The following PRMT7 variants were observed in gnomAD, a reference collection of about 807,000 sequenced individuals.
PRMT7 encodes protein arginine methyltransferase 7, also known as protein arginine N-methyltransferase 7.
In PRMT7, 75 loss-of-function variants were observed where a neutral mutation model predicts 85.4. The observed-to-expected ratio is 0.88, with a 90% CI of 0.73 to 1.06. The LOEUF (loss-of-function observed/expected upper bound fraction) is 1.06, where lower values mean the gene tolerates loss of function less well. Ranked by LOEUF, PRMT7 falls within the 50% of genes least tolerant of loss-of-function variation. The pLI, the probability that PRMT7 is intolerant of heterozygous loss-of-function variation, is 0.00. For missense variants in PRMT7, 868 were observed against 915.2 expected (o/e 0.95, Z 0.67); for synonymous variants, 397 against 359.5 (o/e 1.10, Z -1.18).
At chr16:68,323,059 T>C (rs1334196773) in intron 4 of PRMT7, among the ~76,000 whole-genome samples, 2 of 151,850 alleles carry the variant, frequency 1.3e-5, no homozygotes, top group African/African-American at 4.8e-5. Context: ...TAAAAACACA[T>C]AACATAAACG....
At chr16:68,327,705 T>A (rs2083290091) in intron 5 of PRMT7, among the ~76,000 whole-genome samples, 1 of 152,078 alleles carries the variant, frequency 6.6e-6, no homozygotes, top group Admixed American at 6.5e-5. Context: ...CCCAGCACTT[T>A]GGGTGGCTGA....
At chr16:68,325,518 G>A (rs1037581607) in intron 5 of PRMT7, among the ~76,000 whole-genome samples, 1 of 149,256 alleles carries the variant, frequency 6.7e-6, no homozygotes, top group African/African-American at 2.5e-5. Flanking sequence ...ACAAAGGCTG[G>A]GCACAGTGTC....
At chr16:68,356,150 A>G (rs1333869879) in intron 17 of PRMT7, among the ~76,000 whole-genome samples, 1 of 152,192 alleles carries the variant, frequency 6.6e-6, no homozygotes, top group African/African-American at 2.4e-5. Context: ...GCTCAGGAAG[A>G]TGGGAGCTTA....
intron 11 of PRMT7, among the ~76,000 whole-genome samples, chr16:68,346,912 C>T (rs1302215327): frequency 2.0e-5 from 3 of 152,234 alleles, no homozygotes; most frequent in Admixed American, 6.5e-5. Flanking sequence ...TGTGCTCTAA[C>T]CAGACAGGGA....
At chr16:68,356,587 G>A (rs1001042346) in intron 17 of PRMT7, 114 bp from the exon 18 acceptor site, 2 of 753,242 alleles carry the variant, frequency 2.7e-6, no homozygotes, top group Non-Finnish European at 4.5e-6. Flanking sequence ...ACTCCCGGCA[G>A]GGCAGGAAGG....
Position 68,353,593 on chromosome 16 carries a change from A to T in PRMT7, c.1650+27A>T, listed in dbSNP as rs1868159. The T allele has an allele frequency of 2.4e-5, 37 of 1,532,642 alleles. No individual in the cohort carries two copies. The Admixed American group carries it at 4.1e-4, about 17-fold the overall frequency. The allele number at this position is 1,532,642 out of a possible 1,614,324, so 94.9% of individuals were successfully genotyped here. ...TAGGCAGGGCCACACTCTGCATAGT[A>T]CCCCCGACCTGCTCCTGTATCGCAG... On this transcript the variant is annotated intron_variant, in intron 16 of 18. Transcript: ENST00000441236.
At chr16:68,314,968 A>T (rs1231390639) in intron 2 of PRMT7, among the ~76,000 whole-genome samples, 2 of 152,180 alleles carry the variant, frequency 1.3e-5, no homozygotes, top group Non-Finnish European at 2.9e-5. Flanking sequence ...ACTATAAAAA[A>T]TAATGAAGCA....
At chr16:68,339,995 C>T (rs950686183) in intron 9 of PRMT7, 27 bp downstream of exon 9, 2 of 1,575,338 alleles carry the variant, frequency 1.3e-6, no homozygotes, top group Non-Finnish European at 1.7e-6. Context: ...TAGCATGTGC[C>T]CTGTCAGGAA....
intron 10 of PRMT7, 124 bp downstream of exon 10, chr16:68,345,926 A>G (rs548100897): frequency 1.4e-6 from 2 of 1,443,278 alleles, no homozygotes; most frequent in Admixed American, 1.9e-5. Flanking sequence ...CATAAGAACA[A>G]AGATTTGTGA....
At chr16:68,313,726 A>G (rs1286799703) in intron 2 of PRMT7, among the ~76,000 whole-genome samples, 21 of 152,244 alleles carry the variant, frequency 1.4e-4, no homozygotes, top group Admixed American at 1.4e-3. Flanking sequence ...AGTGGATTAT[A>G]GCAATGTTGT....
chr16:68,352,721 T>G, intron 15 of PRMT7: 1 of 202,314 alleles, frequency 4.9e-6, no homozygotes, highest in Non-Finnish European at 9.8e-6. Context: ...CTCTCATTAA[T>G]AGCCGAGGCT....
At chr16:68,321,931 C>G (rs1489841665) in intron 4 of PRMT7, among the ~76,000 whole-genome samples, 1 of 151,950 alleles carries the variant, frequency 6.6e-6, no homozygotes, top group Non-Finnish European at 1.5e-5. Flanking sequence ...GTACCATTCT[C>G]TGGGCTTCTG....
chr16:68,344,804 A>C (rs2086067705), intron 9 of PRMT7, among the ~76,000 whole-genome samples: 1 of 152,104 alleles, frequency 6.6e-6, no homozygotes, highest in Non-Finnish European at 1.5e-5. Context: ...TTTTATTTTG[A>C]AAAATTATAT....
chr16:68,356,241 G>A (rs969062448), intron 17 of PRMT7, among the ~76,000 whole-genome samples: 15 of 152,226 alleles, frequency 9.9e-5, no homozygotes, highest in African/African-American at 3.6e-4. Context: ...TGCTGCTTGC[G>A]TCCAGGGACG....
At chr16:68,346,592 T>C (rs1289434729) in intron 11 of PRMT7, among the ~76,000 whole-genome samples, 8 of 151,786 alleles carry the variant, frequency 5.3e-5, no homozygotes, top group Admixed American at 5.2e-4. Context: ...TCTTTTCATG[T>C]GTTGTCACCT....
At chr16:68,359,349 G>C (rs1377620972), downstream of PRMT7, 2 of 152,436 alleles carry the variant, frequency 1.3e-5, no homozygotes, top group African/African-American at 4.8e-5. Context: ...GAGCCCAGCA[G>C]GATGCTCGCC....
chr16:68,317,237 CAAA>C (rs35849810), intron 3 of PRMT7, among the ~76,000 whole-genome samples: 2 of 104,156 alleles, frequency 1.9e-5, no homozygotes, highest in Non-Finnish European at 1.9e-5. Flanking sequence ...GACTCTGTCT[CAAA>C]AAAAAAAAAA....
intron 3 of PRMT7, among the ~76,000 whole-genome samples, chr16:68,317,342 A>G (rs1567631324): frequency 6.6e-6 from 1 of 152,140 alleles, no homozygotes; most frequent in Non-Finnish European, 1.5e-5. Context: ...TGTTTGAATA[A>G]TTTCTCAGTT....
intron 5 of PRMT7, among the ~76,000 whole-genome samples, chr16:68,325,789 T>TCAAAA (rs150900885): frequency 0.01 from 1,595 of 152,164 alleles, 21 homozygotes; most frequent in Non-Finnish European, 0.012. Flanking sequence ...AGACTCCATC[T>TCAAAA]CAAAACAAAA....
Sources: gnomAD v4.1 joint callset for allele counts (sites outside exome capture counted in the v4.1 genomes callset) on GRCh38, gnomAD v4.1.1 for gene constraint, MANE v1.5 for transcripts, NCBI Gene and HGNC (gene_info 2026-07-23, HGNC 2026-07-21) for gene names.